The following BBS7 variants were observed in gnomAD, a reference collection of about 807,000 sequenced individuals.
The protein encoded by BBS7 is BBSome complex member BBS7.
In BBS7, 50 loss-of-function variants were observed where a neutral mutation model predicts 90.3. That is an observed-to-expected ratio of 0.55 (90% CI 0.44 to 0.70). BBS7 has a LOEUF of 0.70. Among genes scored for constraint, BBS7 ranks in the 30% least tolerant of loss-of-function variants. The pLI is 0.00. For synonymous variants in BBS7, 235 were observed against 287.4 expected, an observed-to-expected ratio of 0.82 and a Z score of 1.85; for missense variants, 729 against 838.9, an observed-to-expected ratio of 0.87 and a Z score of 1.62.
chr4:121,865,181 C>CAT (rs369628777), intron 2 of BBS7, among the ~76,000 whole-genome samples: 1 of 151,822 alleles, frequency 6.6e-6, no homozygotes, highest in African/African-American at 2.4e-5. Flanking sequence ...TTTCACTAAA[C>CAT]ATAATGTCCT....
intron 18 of BBS7, among the ~76,000 whole-genome samples, chr4:121,827,383 A>G (rs1251943441): frequency 6.6e-6 from 1 of 152,192 alleles, no homozygotes; most frequent in Non-Finnish European, 1.5e-5. Flanking sequence ...TGGGGTGAGA[A>G]GATTCTAATG....
intron 7 of BBS7, 97 bp from the exon 8 acceptor site, chr4:121,853,183 GA>G: frequency 7.5e-7 from 1 of 1,341,550 alleles, no homozygotes; most frequent in Non-Finnish European, 1.0e-6. Context: ...TACCGACTCA[GA>G]ATGGTGAGCA....
chr4:121,828,518 G>T lies in BBS7; in HGVS notation c.1787-13C>A. 1.9e-6 allele frequency: 3 copies of T among 1,597,420 alleles called. No individual in the cohort carries two copies. The South Asian group carries it at 3.3e-5, about 18-fold the overall frequency. ...ACTTCATTTATCTCTAGAAGGAGTT[G>T]ACCAGATGCAGTTAGATAAATCACT... On this transcript the variant is annotated splice_polypyrimidine_tract_variant and intron_variant, in intron 16 of 18. Coordinates refer to ENST00000264499, the MANE Select transcript of BBS7 (RefSeq NM_176824.3).
At chr4:121,863,072 G>T in intron 3 of BBS7, 145 bp downstream of exon 3, 2 of 741,492 alleles carry the variant, frequency 2.7e-6, no homozygotes, top group Non-Finnish European at 2.3e-6. Flanking sequence ...TGTGCTACCC[G>T]CAGACTCATA....
At chr4:121,857,060 C>A (rs1452640034) in intron 5 of BBS7, among the ~76,000 whole-genome samples, 1 of 151,598 alleles carries the variant, frequency 6.6e-6, no homozygotes, top group Non-Finnish European at 1.5e-5. Context: ...TGAGCCACCA[C>A]ATCAGGACTA....
At chr4:121,845,796 GT>G in intron 10 of BBS7, 100 bp from the exon 11 acceptor site, 1 of 1,114,098 alleles carries the variant, frequency 9.0e-7, no homozygotes, top group Non-Finnish European at 1.3e-6. Context: ...TACAAAATGG[GT>G]TTTTATTGGT....
chr4:121,831,327 A>G (rs1055604606), intron 15 of BBS7, among the ~76,000 whole-genome samples: 1 of 152,120 alleles, frequency 6.6e-6, no homozygotes, highest in Non-Finnish European at 1.5e-5. Context: ...AGAATCAAAG[A>G]AGGCTTCAAA....
In BBS7 at chr4:121,828,731, A is replaced by G; in HGVS notation, c.1677-3T>C. Reference sequence around the variant, plus strand: ...ATTTAAAAACTCCCTCTCCTTTTCTATAAAATTAATATATTTTTTAAAAGA... The same window carrying G: ...ATTTAAAAACTCCCTCTCCTTTTCTGTAAAATTAATATATTTTTTAAAAGA... On this transcript the variant is annotated splice_region_variant and splice_polypyrimidine_tract_variant and intron_variant, in intron 15 of 18. Transcript: ENST00000264499. 1.1e-5 allele frequency: 17 copies of G among 1,478,682 alleles called. No homozygotes were observed. The highest frequency in any genetic ancestry group is 1.6e-5 in the Non-Finnish European group (17 of 1,070,974). The allele number at this position is 1,478,682 out of a possible 1,614,324, so 91.6% of individuals were successfully genotyped here. A position where few individuals can be genotyped will look rare whatever the true frequency, so the allele number is the denominator to read the frequency against.
At chr4:121,845,918 A>T (rs895837222) in intron 10 of BBS7, among the ~76,000 whole-genome samples, 1 of 152,210 alleles carries the variant, frequency 6.6e-6, no homozygotes, top group South Asian at 2.1e-4. Context: ...ACTCATTCCC[A>T]TACTAGCAAT....
chr4:121,861,084 T>C (rs1726949675), intron 4 of BBS7, among the ~76,000 whole-genome samples: 3 of 152,178 alleles, frequency 2.0e-5, no homozygotes, highest in Admixed American at 2.0e-4. Flanking sequence ...TAGGGAGCTA[T>C]ATTTCACTTA....
chr4:121,863,263 T>A lies in BBS7; in HGVS notation c.119A>T (p.His40Leu). ...GCCAAAGCACATAACTACCCCATCA[T>A]GATCTCCAATAACCACCTGTAATAG... Reference protein sequence around the residue: ...RATQKVVIGDHDGVVMCFGMK... With the variant: ...RATQKVVIGDLDGVVMCFGMK... Residue 40 changes from histidine (H) to leucine (L), a missense_variant, in exon 3 of 19, where the codon CAT becomes CTT. Transcript: ENST00000264499. The A allele has an allele frequency of 1.9e-6, 3 of 1,613,694 alleles. No individual in the cohort carries two copies. Among genetic ancestry groups the A allele is most frequent in the Non-Finnish European group, 2.5e-6 (3 of 1,179,684 alleles).
At chr4:121,857,808 C>CTTTTTTTTTTTTTT (rs5861541) in intron 5 of BBS7, among the ~76,000 whole-genome samples, 1 of 132,388 alleles carries the variant, frequency 7.6e-6, no homozygotes. Context: ...TTTTTCTTTT[C>CTTTTTTTTTTTTTT]TTTTTTTTTT....
At chr4:121,862,335 T>A (rs1727027802) in intron 3 of BBS7, among the ~76,000 whole-genome samples, 1 of 152,190 alleles carries the variant, frequency 6.6e-6, no homozygotes, top group Non-Finnish European at 1.5e-5. Flanking sequence ...TGCACCAGCT[T>A]CTTCTCCTCC....
rs1478890597 is a variant in BBS7 at position 121,828,047 on chromosome 4, T to C, written c.2014+99A>G. ...ACTGGTTCATGAATCATGACTGATGTAATCTTTTTATCTTTCTGCCCAGCT... is the reference window on the plus strand; with the variant it reads ...ACTGGTTCATGAATCATGACTGATGCAATCTTTTTATCTTTCTGCCCAGCT... On this transcript the variant is annotated intron_variant, in intron 18 of 18. Transcript: ENST00000264499. 25 of 1,568,506 alleles carry C rather than the reference T, an allele frequency of 1.6e-5. No individual in the cohort carries two copies. The Admixed American group carries it at 2.7e-4, about 17-fold the overall frequency.
chr4:121,861,777 T>C, intron 3 of BBS7, 98 bp from the exon 4 acceptor site: 2 of 1,162,932 alleles, frequency 1.7e-6, no homozygotes, highest in East Asian at 2.5e-5. Flanking sequence ...ATTTGCAAAA[T>C]ATTATAGTTC....
At chr4:121,832,901 C>T (rs1330543897) in intron 15 of BBS7, among the ~76,000 whole-genome samples, 1 of 151,984 alleles carries the variant, frequency 6.6e-6, no homozygotes. Flanking sequence ...GTAACTTCTA[C>T]ATATTTCTAA....
intron 4 of BBS7, among the ~76,000 whole-genome samples, chr4:121,859,881 A>T (rs944089322): frequency 6.6e-6 from 1 of 152,162 alleles, no homozygotes; most frequent in South Asian, 2.1e-4. Flanking sequence ...TCTAATTCTT[A>T]GACTGAACTG....
At chr4:121,851,586 A>ACTTGT (rs1322074797) in intron 8 of BBS7, among the ~76,000 whole-genome samples, 1 of 152,204 alleles carries the variant, frequency 6.6e-6, no homozygotes, top group East Asian at 1.9e-4. Flanking sequence ...ACTTACAAAA[A>ACTTGT]AAAGAACTTG....
At chr4:121,849,108 T>C (rs1186428757) in intron 8 of BBS7, among the ~76,000 whole-genome samples, 180 bp from the exon 9 acceptor site, 1 of 152,364 alleles carries the variant, frequency 6.6e-6, no homozygotes, top group South Asian at 2.1e-4. Flanking sequence ...GAAACTTCAG[T>C]GTTTTTAAAT....
Sources: allele counts gnomAD v4.1 joint callset (sites outside exome capture counted in the v4.1 genomes callset), GRCh38; gene constraint gnomAD v4.1.1; transcripts MANE v1.5; gene names NCBI Gene and HGNC (gene_info 2026-07-23, HGNC 2026-07-21).